GALNT13: variants seen among roughly 807,000 people sequenced by gnomAD.
GALNT13 encodes UDP-GalNAc:polypeptide N-acetylgalactosaminyltransferase 13.
In GALNT13, 28 loss-of-function variants were observed where a neutral mutation model predicts 64.2. The ratio of observed to expected loss-of-function variants is 0.44; its 90% CI spans 0.32 to 0.60. The LOEUF (loss-of-function observed/expected upper bound fraction) is 0.60. Among genes scored for constraint, GALNT13 ranks in the 20% least tolerant of loss-of-function variants. The pLI is 0.05. For synonymous variants in GALNT13, 214 were observed against 224.6 expected (o/e 0.95, Z 0.42); for missense variants, 577 against 669.8 (o/e 0.86, Z 1.53).
chr2:153,750,190 T>C, the GALNT13 span, among the ~76,000 whole-genome samples: 2 of 151,916 alleles, frequency 1.3e-5, no homozygotes, highest in Admixed American at 6.6e-5. Flanking sequence ...TTGTTCATGA[T>C]GAATGATCTT....
the GALNT13 span, among the ~76,000 whole-genome samples, chr2:153,515,085 C>G: frequency 6.6e-6 from 1 of 152,158 alleles, no homozygotes; most frequent in Admixed American, 6.5e-5. Flanking sequence ...TCTGGTCCAT[C>G]TCCAGGTTTG....
At chr2:153,450,464 G>T in the GALNT13 span, among the ~76,000 whole-genome samples, 1 of 152,038 alleles carries the variant, frequency 6.6e-6, no homozygotes, top group African/African-American at 2.4e-5. Context: ...GAACTCAGAC[G>T]CTGGTTTTGT....
At chr2:153,886,017 GAGAA>G (rs948204571) in intron 1 of GALNT13, among the ~76,000 whole-genome samples, 6 of 151,970 alleles carry the variant, frequency 3.9e-5, no homozygotes, top group Admixed American at 2.6e-4. Flanking sequence ...GACAGAGAGA[GAGAA>G]AGAGAGAGAA....
the GALNT13 span, among the ~76,000 whole-genome samples, chr2:153,546,309 A>C: frequency 1.3e-5 from 2 of 152,228 alleles, no homozygotes; most frequent in Admixed American, 6.5e-5. Flanking sequence ...TGAAGAAGAG[A>C]GGAAAAAACT....
chr2:153,566,347 CGTTTTTTT>C, the GALNT13 span, among the ~76,000 whole-genome samples: 2 of 76,412 alleles, frequency 2.6e-5, no homozygotes, highest in Non-Finnish European at 4.9e-5. Context: ...CTTCTAATCA[CGTTTTTTT>C]TTTTTTTTTT....
chr2:153,877,443 A>G (rs1686456680), intron 1 of GALNT13, among the ~76,000 whole-genome samples: 1 of 152,172 alleles, frequency 6.6e-6, no homozygotes, highest in South Asian at 2.1e-4. Flanking sequence ...AGAAGAATTT[A>G]AAAGCATAGC....
chr2:153,680,073 T>G, the GALNT13 span, among the ~76,000 whole-genome samples: 1 of 151,874 alleles, frequency 6.6e-6, no homozygotes, highest in Non-Finnish European at 1.5e-5. Context: ...CCCACAAGAC[T>G]AGGGTAGACA....
At chr2:153,285,138 A>T in the GALNT13 span, among the ~76,000 whole-genome samples, 1 of 152,042 alleles carries the variant, frequency 6.6e-6, no homozygotes, top group Admixed American at 6.6e-5. Context: ...ACAGGGCGGC[A>T]GGAGAGAATG....
At chr2:154,271,464 G>A (rs1057391130) in intron 8 of GALNT13, among the ~76,000 whole-genome samples, 1 of 151,948 alleles carries the variant, frequency 6.6e-6, no homozygotes, top group Non-Finnish European at 1.5e-5. Context: ...GGTTTGAACT[G>A]AGTGTTAAAG....
At chr2:153,518,710 A>G in the GALNT13 span, among the ~76,000 whole-genome samples, 42,902 of 152,084 alleles carry the variant, frequency 0.28, 6,722 homozygotes, top group East Asian at 0.55. Context: ...TAGAATAACT[A>G]TAAATATCTA....
intron 8 of GALNT13, among the ~76,000 whole-genome samples, chr2:154,274,228 A>G (rs1691513673): frequency 6.6e-6 from 1 of 152,226 alleles, no homozygotes; most frequent in Non-Finnish European, 1.5e-5. Context: ...ACGAAGTTCT[A>G]GGTATCATTT....
the GALNT13 span, among the ~76,000 whole-genome samples, chr2:153,141,743 G>C: frequency 2.6e-5 from 4 of 151,922 alleles, no homozygotes; most frequent in Non-Finnish European, 4.4e-5. Flanking sequence ...GGGTCTCAGA[G>C]CTCCCCATAC....
At chr2:154,097,043 T>G (rs1351568867) in intron 3 of GALNT13, among the ~76,000 whole-genome samples, 1 of 151,870 alleles carries the variant, frequency 6.6e-6, no homozygotes, top group Admixed American at 6.6e-5. Context: ...TTTTAAAGCC[T>G]TAAAAGACAT....
At chr2:153,541,930 T>C in the GALNT13 span, among the ~76,000 whole-genome samples, 2 of 152,232 alleles carry the variant, frequency 1.3e-5, no homozygotes, top group East Asian at 3.8e-4. Context: ...CCTATCCATC[T>C]GCCTCTAGTC....
the GALNT13 span, among the ~76,000 whole-genome samples, chr2:153,670,629 C>T: frequency 6.6e-6 from 1 of 152,118 alleles, no homozygotes; most frequent in Non-Finnish European, 1.5e-5. Flanking sequence ...TTCTAAAAAC[C>T]AGAATGCCTC....
chr2:154,287,490 T>C, intron 8 of GALNT13: 1 of 313,960 alleles, frequency 3.2e-6, no homozygotes, highest in Admixed American at 3.9e-5. Flanking sequence ...TTAACAATGC[T>C]TCCTTTTGCC....
At chr2:153,197,703 G>A in the GALNT13 span, among the ~76,000 whole-genome samples, 35 of 152,196 alleles carry the variant, frequency 2.3e-4, no homozygotes, top group Non-Finnish European at 4.4e-4. Flanking sequence ...TTTTCAGCAC[G>A]TGTGCCAAAA....
the GALNT13 span, among the ~76,000 whole-genome samples, chr2:153,664,872 C>G: frequency 6.6e-6 from 1 of 152,120 alleles, no homozygotes; most frequent in Non-Finnish European, 1.5e-5. Flanking sequence ...CATCTGACTG[C>G]AACCAAATGA....
intron 9 of GALNT13, among the ~76,000 whole-genome samples, chr2:154,309,311 G>A (rs369981369): frequency 9.4e-5 from 2 of 21,370 alleles, no homozygotes; most frequent in Non-Finnish European, 8.4e-5. Flanking sequence ...AAATCCATTC[G>A]TCTTCATTTC....
Sources: allele counts gnomAD v4.1 joint callset (sites outside exome capture counted in the v4.1 genomes callset), GRCh38; gene constraint gnomAD v4.1.1; transcripts MANE v1.5; gene names NCBI Gene and HGNC (gene_info 2026-07-23, HGNC 2026-07-21).